Variants in ITGA4 observed in about 807,000 individuals in gnomAD.
ITGA4 encodes integrin subunit alpha 4, also known as integrin alpha-4.
A neutral mutation model predicts 133.6 loss-of-function variants in ITGA4; 63 were observed. The ratio of observed to expected loss-of-function variants is 0.47; its 90% CI spans 0.38 to 0.58. The LOEUF is 0.58. Among genes scored for constraint, ITGA4 ranks in the 20% least tolerant of loss-of-function variants. The probability of loss-of-function intolerance (pLI) is 0.00; values close to 1 mark genes in which losing one functional copy is unlikely to be tolerated. For missense variants in ITGA4, 1,076 were observed against 1,252.7 expected, an observed-to-expected ratio of 0.86 and a Z score of 2.13; for synonymous variants, 483 against 438.0, an observed-to-expected ratio of 1.10 and a Z score of -1.28.
At chr2:181,511,649 TA>T (rs1220977100) in intron 16 of ITGA4, 49 bp from the exon 17 acceptor site, 1 of 952,342 alleles carries the variant, frequency 1.1e-6, no homozygotes. Context: ...TATATATAAA[TA>T]TACTTGCTGA....
chr2:181,499,160 AGTTT>A (rs1686217930), intron 15 of ITGA4, among the ~76,000 whole-genome samples: 1 of 152,068 alleles, frequency 6.6e-6, no homozygotes, highest in Non-Finnish European at 1.5e-5. Context: ...CAGGGAAGTT[AGTTT>A]GTTTTTCATA....
Position 181,536,563 on chromosome 2 carries a change from C to CAAGTATAAGT in ITGA4, c.*1036_*1037insAAGTATAAGT. On this transcript the variant is annotated 3_prime_UTR_variant, in exon 28 of 28. Transcript: ENST00000397033. ...TTACCCTTTACAAGTATAAGTGTTA[C>CAAGTATAAGT]CTTACATGGAAACGAAGAAACAAAA... The CAAGTATAAGT allele has an allele frequency of 2.2e-4, 14 of 64,074 alleles. No individual in the cohort carries two copies. The highest frequency in any genetic ancestry group is 4.3e-4 in the Non-Finnish European group (14 of 32,632). 4.0% of individuals were successfully genotyped at this position (64,074 alleles called of 1,614,324 possible).
At chr2:181,460,015 CAG>C in intron 2 of ITGA4, among the ~76,000 whole-genome samples, 1 of 152,176 alleles carries the variant, frequency 6.6e-6, no homozygotes, top group South Asian at 2.1e-4. Flanking sequence ...TGACTGTTCT[CAG>C]AGAAATGTAA....
intron 17 of ITGA4, 41 bp from the exon 18 acceptor site, chr2:181,522,150 A>G (rs756302412): frequency 7.8e-7 from 1 of 1,287,604 alleles, no homozygotes; most frequent in Non-Finnish European, 1.1e-6. Context: ...AGGGATTTTT[A>G]TTTCCTAAAC....
At position 181,524,172 on chromosome 2, in the gene ITGA4, T is replaced by C. The variant is rs1200136873; in HGVS notation, c.2171T>C (p.Ile724Thr). 1.9e-6 allele frequency: 3 copies of C among 1,593,936 alleles called. No individual in the cohort carries two copies. Among genetic ancestry groups the C allele is most frequent in the South Asian group, 1.1e-5 (1 of 87,748 alleles). The change falls in exon 20 of 28, where the codon ATA becomes ACA. Residue 724 changes from isoleucine to threonine, a missense_variant and splice_region_variant. Physicochemically the swap from Ile to Thr is moderately conservative, Grantham distance 89. Coordinates refer to ENST00000397033, the MANE Select transcript of ITGA4 (RefSeq NM_000885.6). ...GCTTTCCTGGTCTGTGTTTTACAGA[T>C]AGATATTAGCTTTCTCCTGGATGTG... ...GYIYVDHLSR[I>T]DISFLLDVSS...
chr2:181,530,133 C>G (rs754839722), intron 23 of ITGA4, among the ~76,000 whole-genome samples: 1 of 152,174 alleles, frequency 6.6e-6, no homozygotes, highest in Non-Finnish European at 1.5e-5. Context: ...AACAAATCTA[C>G]TAAATAGGTT....
At chr2:181,457,943 C>T in intron 1 of ITGA4, 92 bp downstream of exon 1, 2 of 1,289,202 alleles carry the variant, frequency 1.6e-6, no homozygotes, top group Non-Finnish European at 2.1e-6. Context: ...AACTTTCCTC[C>T]CTCCCAAGGA....
chr2:181,527,542 A>G (rs999588736), intron 22 of ITGA4, 155 bp downstream of exon 22: 1 of 561,564 alleles, frequency 1.8e-6, no homozygotes, highest in Non-Finnish European at 3.3e-6. Flanking sequence ...CCTGCCTCTC[A>G]GACCCCTGCT....
In ITGA4 at chr2:181,535,982, A is replaced by T. The variant is rs983050343; in HGVS notation, c.*455A>T. On this transcript the variant is annotated 3_prime_UTR_variant, in exon 28 of 28. Coordinates refer to ENST00000397033, the MANE Select transcript of ITGA4 (RefSeq NM_000885.6). The stretch of plus-strand genomic sequence containing the variant: ...TCAAAATATGTTCTTTAAAAATATA[A>T]TTTTTTAGAGAGCTGTTCCCAAATT... 2 of 152,172 alleles carry T rather than the reference A, an allele frequency of 1.3e-5. No individual in the cohort carries two copies. The highest frequency in any genetic ancestry group is 1.3e-4 in the Admixed American group (2 of 15,244). 9.4% of individuals were successfully genotyped at this position (152,172 alleles called of 1,614,324 possible). A position where few individuals can be genotyped will look rare whatever the true frequency, so the allele number is the denominator to read the frequency against.
At chr2:181,484,502 G>T (rs1051638436) in intron 9 of ITGA4, among the ~76,000 whole-genome samples, 4 of 152,034 alleles carry the variant, frequency 2.6e-5, no homozygotes, top group Admixed American at 6.6e-5. Context: ...TTGGACATTT[G>T]CCCAGGAGCC....
At chr2:181,470,494 A>G (rs1415995094) in intron 2 of ITGA4, among the ~76,000 whole-genome samples, 2 of 152,136 alleles carry the variant, frequency 1.3e-5, no homozygotes, top group Non-Finnish European at 2.9e-5. Flanking sequence ...CTTAACCCAG[A>G]CATGTCAAGT....
chr2:181,458,504 G>A lies in ITGA4; in HGVS notation c.319+187G>A, dbSNP rs1010581769. On this transcript the variant is annotated intron_variant, in intron 2 of 27. Coordinates refer to ENST00000397033, the MANE Select transcript of ITGA4 (RefSeq NM_000885.6). ...AAGGGATTCCCTTTCTGTTAATATC[G>A]TTCTCCCTTTTCCTTATGGCAATGA... is the stretch of plus-strand genomic sequence containing the variant. The A allele has an allele frequency of 3.8e-5, 25 of 650,056 alleles. No homozygotes were observed. The Admixed American group carries it at 6.3e-4, about 16-fold the overall frequency. 40.3% of individuals were successfully genotyped at this position (650,056 alleles called of 1,614,324 possible).
Position 181,538,028 on chromosome 2 carries a change from G to GGAAC in ITGA4, c.*2502_*2505dup. ...AATCTAATGCCTGATGATCTGAGGT[G>GGAAC]GAACAGTTCATCCTGAAACCATTCC... On this transcript the variant is annotated 3_prime_UTR_variant, in exon 28 of 28. Transcript: ENST00000397033. 5 of 694,064 alleles carry GGAAC rather than the reference G, an allele frequency of 7.2e-6. No homozygotes were observed. Among genetic ancestry groups the GGAAC allele is most frequent in the Non-Finnish European group, 1.3e-5 (5 of 370,654 alleles). The allele number at this position is 694,064 out of a possible 1,614,324, so 43.0% of individuals were successfully genotyped here. A position where few individuals can be genotyped will look rare whatever the true frequency, so the allele number is the denominator to read the frequency against.
Position 181,478,795 on chromosome 2 carries a change from C to A in ITGA4, c.595C>A (p.Gln199Lys). ...ATTTGGAGAAAATTTTGCATCATGTCAAGCTGGAATATCCAGTTTTTACAC... is the reference window on the plus strand; with the variant it reads ...ATTTGGAGAAAATTTTGCATCATGTAAAGCTGGAATATCCAGTTTTTACAC... ...KKFGENFASCQAGISSFYTKD... is the reference protein window; with the variant it reads ...KKFGENFASCKAGISSFYTKD... The change falls in exon 5 of 28, where the codon CAA becomes AAA. Residue 199 changes from glutamine (Q) to lysine (K), a missense_variant. By Grantham distance (53) the Gln-to-Lys change is moderately conservative (BLOSUM62 1). This residue lies in a region of ITGA4 where 436 missense variants were observed against 590.7 expected (regional missense o/e 0.74). Coordinates refer to ENST00000397033, the MANE Select transcript of ITGA4 (RefSeq NM_000885.6). The A allele has an allele frequency of 6.7e-7, 1 of 1,492,974 alleles. No homozygotes were observed. Among genetic ancestry groups the A allele is most frequent in the Non-Finnish European group, 9.0e-7 (1 of 1,106,504 alleles). 92.5% of individuals were successfully genotyped at this position (1,492,974 alleles called of 1,614,324 possible).
Position 181,531,687 on chromosome 2 carries a change from A to G in ITGA4, c.2695A>G (p.Asn899Asp), listed in dbSNP as rs188873892. 47 of 1,603,470 alleles carry G rather than the reference A, an allele frequency of 2.9e-5. No homozygotes were observed. The highest frequency in any genetic ancestry group is 3.8e-5 in the Non-Finnish European group (45 of 1,172,308). ...CATAAAAGCTGATCCACATTGTTTA[A>G]ATTTCTTGTGTAATTTTGGGAAAAT... Reference protein sequence around the residue: ...YCIKADPHCLNFLCNFGKMES... With the variant: ...YCIKADPHCLDFLCNFGKMES... The change falls in exon 25 of 28, where the codon AAT becomes GAT. Residue 899 changes from asparagine (N) to aspartate (D), a missense_variant. Physicochemically the swap from Asn to Asp is conservative, Grantham distance 23 (BLOSUM62 1). This residue lies in a region of ITGA4 where 193 missense variants were observed against 172.3 expected (regional missense o/e 1.12). Transcript: ENST00000397033.
chr2:181,521,983 G>A (rs923570835), intron 17 of ITGA4, among the ~76,000 whole-genome samples: 1 of 152,090 alleles, frequency 6.6e-6, no homozygotes, highest in African/African-American at 2.4e-5. Flanking sequence ...TGGGTAATAG[G>A]TGACTGAATT....
chr2:181,478,668 A>G, intron 4 of ITGA4, 89 bp from the exon 5 acceptor site: 1 of 558,858 alleles, frequency 1.8e-6, no homozygotes, highest in Non-Finnish European at 3.1e-6. Flanking sequence ...ATAGACCTTA[A>G]AGGACATTTT....
chr2:181,524,799 AT>A (rs2105766975), intron 20 of ITGA4, among the ~76,000 whole-genome samples: 1 of 152,276 alleles, frequency 6.6e-6, no homozygotes, highest in Admixed American at 6.5e-5. Flanking sequence ...AAATTATATG[AT>A]TGATGTGCTT....
chr2:181,526,284 T>G lies in ITGA4; in HGVS notation c.2339+993T>G, dbSNP rs1396793244. 3.3e-5 allele frequency among the ~76,000 whole-genome samples: 5 copies of G among 152,326 alleles called. No individual in the cohort carries two copies. In the East Asian group the frequency reaches 7.7e-4, roughly 23 times the overall value. ...GAGTGTCTTCCTATTTTTCTGTTAT[T>G]CACATCTCATTATTTTGAACAAGGT... On this transcript the variant is annotated intron_variant, in intron 21 of 27. Transcript: ENST00000397033.
Sources: gnomAD v4.1 joint callset for allele counts (sites outside exome capture counted in the v4.1 genomes callset) on GRCh38, gnomAD v4.1.1 for gene constraint, gnomAD v4.1.1 regional missense constraint, MANE v1.5 for transcripts, NCBI Gene and HGNC (gene_info 2026-07-23, HGNC 2026-07-21) for gene names.